Variants in SOX5 observed in about 807,000 individuals in gnomAD.
SOX5 encodes SRY-box transcription factor 5.
A neutral mutation model predicts 92.0 loss-of-function variants in SOX5; 9 were observed. That is an observed-to-expected ratio of 0.10 (90% CI 0.06 to 0.17). The LOEUF is 0.17. Ranked by LOEUF, SOX5 falls within the 10% of genes least tolerant of loss-of-function variation. The pLI, the probability that SOX5 is intolerant of heterozygous loss-of-function variation, is 1.00. For synonymous variants in SOX5, 344 were observed against 336.3 expected (o/e 1.02, Z -0.25); for missense variants, 642 against 944.5 (o/e 0.68, Z 4.20).
intron 6 of SOX5, among the ~76,000 whole-genome samples, chr12:23,722,866 G>A (rs576507784): frequency 5.3e-5 from 8 of 152,232 alleles, no homozygotes; most frequent in East Asian, 3.9e-4. Flanking sequence ...TGTACAAAGC[G>A]CAATCAGTTT....
intron 1 of SOX5, among the ~76,000 whole-genome samples, chr12:24,423,323 C>T (rs1388567248): frequency 2.0e-5 from 3 of 152,168 alleles, no homozygotes; most frequent in African/African-American, 2.4e-5. Context: ...TTTTCTTGAC[C>T]TCTTAATCCT....
At chr12:24,084,963 T>C (rs1943794713) in intron 4 of SOX5, among the ~76,000 whole-genome samples, 1 of 152,116 alleles carries the variant, frequency 6.6e-6, no homozygotes, top group South Asian at 2.1e-4. Flanking sequence ...TATCTGCCTT[T>C]TTCACTTTCT....
At chr12:24,540,800 C>T (rs1303887923) in intron 1 of SOX5, among the ~76,000 whole-genome samples, 2 of 152,084 alleles carry the variant, frequency 1.3e-5, no homozygotes, top group South Asian at 4.1e-4. Context: ...ATAGTGCAAT[C>T]GTTGTTTTCA....
intron 1 of SOX5, among the ~76,000 whole-genome samples, chr12:24,450,638 G>A (rs917584222): frequency 2.0e-5 from 3 of 152,006 alleles, no homozygotes; most frequent in Admixed American, 2.0e-4. Context: ...GGGACTACAG[G>A]CATGCACCAC....
chr12:24,257,424 A>C (rs895535895), intron 3 of SOX5, among the ~76,000 whole-genome samples: 1 of 152,026 alleles, frequency 6.6e-6, no homozygotes. Context: ...AGTCACAAAA[A>C]TTTTAGAAGA....
chr12:24,506,119 C>T (rs1948719561), intron 1 of SOX5, among the ~76,000 whole-genome samples: 1 of 152,022 alleles, frequency 6.6e-6, no homozygotes, highest in Non-Finnish European at 1.5e-5. Context: ...AGGATAGTAG[C>T]ATCTTTTTGT....
At chr12:24,144,555 C>A (rs1292190249) in intron 4 of SOX5, among the ~76,000 whole-genome samples, 10 of 152,084 alleles carry the variant, frequency 6.6e-5, no homozygotes, top group Non-Finnish European at 1.5e-4. Context: ...TCTCTAAACC[C>A]AGCAGTTTGG....
chr12:24,444,270 ATGTGTGTGTGTG>A (rs56206607), intron 1 of SOX5, among the ~76,000 whole-genome samples: 5 of 149,154 alleles, frequency 3.4e-5, no homozygotes, highest in African/African-American at 7.4e-5. Context: ...AGGCCACTGA[ATGTGTGTGTGTG>A]TGTGTGTGTG....
At chr12:24,064,228 A>T (rs1357674648) in intron 4 of SOX5, among the ~76,000 whole-genome samples, 1 of 152,240 alleles carries the variant, frequency 6.6e-6, no homozygotes, top group Non-Finnish European at 1.5e-5. Flanking sequence ...CTCTTCAAAG[A>T]GTGGCCCTTC....
intron 2 of SOX5, among the ~76,000 whole-genome samples, chr12:23,855,083 GA>G (rs2096672385): frequency 6.6e-6 from 1 of 151,734 alleles, no homozygotes. Context: ...CCCTTTACCA[GA>G]AAAGCAAAGA....
At chr12:23,841,649 C>G (rs1242418600) in intron 3 of SOX5, among the ~76,000 whole-genome samples, 1 of 151,992 alleles carries the variant, frequency 6.6e-6, no homozygotes, top group Non-Finnish European at 1.5e-5. Context: ...CTATAAACAG[C>G]CATGGAAGAA....
intron 2 of SOX5, among the ~76,000 whole-genome samples, chr12:24,356,284 T>C (rs901085559): frequency 6.6e-6 from 1 of 152,214 alleles, no homozygotes; most frequent in African/African-American, 2.4e-5. Context: ...GCAGGGATGG[T>C]AGGTAGGGAA....
At chr12:23,801,696 T>C (rs1376428746) in intron 3 of SOX5, among the ~76,000 whole-genome samples, 2 of 152,194 alleles carry the variant, frequency 1.3e-5, no homozygotes, top group East Asian at 1.9e-4. Context: ...CTATTTAATT[T>C]TTCAGTTAAG....
chr12:24,014,078 G>C (rs918815320), intron 4 of SOX5, among the ~76,000 whole-genome samples: 1 of 152,176 alleles, frequency 6.6e-6, no homozygotes, highest in Non-Finnish European at 1.5e-5. Flanking sequence ...GTGACTTGTA[G>C]TTTTTATGAA....
At chr12:23,695,100 A>G (rs2089575579) in intron 6 of SOX5, among the ~76,000 whole-genome samples, 2 of 141,402 alleles carry the variant, frequency 1.4e-5, no homozygotes, top group South Asian at 4.9e-4. Context: ...AGCTTGGGTG[A>G]CAAGGGAAAC....
intron 2 of SOX5, among the ~76,000 whole-genome samples, chr12:24,320,637 G>A (rs763397342): frequency 1.7e-4 from 26 of 151,938 alleles, no homozygotes; most frequent in East Asian, 1.9e-4. Context: ...AGGCCGAGGC[G>A]GGGAGATCAC....
At chr12:23,591,081 T>C (rs1483848969) in intron 9 of SOX5, among the ~76,000 whole-genome samples, 6 of 149,584 alleles carry the variant, frequency 4.0e-5, no homozygotes, top group Admixed American at 1.3e-4. Flanking sequence ...ATTCTCAATG[T>C]CTTATTTTAT....
intron 4 of SOX5, among the ~76,000 whole-genome samples, chr12:24,089,234 A>G (rs953084188): frequency 5.9e-5 from 9 of 152,236 alleles, no homozygotes; most frequent in Admixed American, 5.9e-4. Flanking sequence ...CTCCATATAT[A>G]GGAAAGAGCA....
chr12:24,157,744 T>C (rs1048224609), intron 4 of SOX5, among the ~76,000 whole-genome samples: 1 of 152,114 alleles, frequency 6.6e-6, no homozygotes, highest in African/African-American at 2.4e-5. Flanking sequence ...TTCCCCTTGA[T>C]ACCATCTGTC....
Sources: gnomAD v4.1 joint callset for allele counts (sites outside exome capture counted in the v4.1 genomes callset) on GRCh38, gnomAD v4.1.1 for gene constraint, MANE v1.5 for transcripts, NCBI Gene and HGNC (gene_info 2026-07-23, HGNC 2026-07-21) for gene names.